UGT2B11: variants seen among roughly 807,000 people sequenced by gnomAD.
UGT2B11 encodes the protein UDP glucuronosyltransferase family 2 member B11.
In UGT2B11, 49 loss-of-function variants were observed where a neutral mutation model predicts 51.7. The observed-to-expected ratio is 0.95, with a 90% CI of 0.75 to 1.20. The LOEUF (loss-of-function observed/expected upper bound fraction) is 1.20. Among genes scored for constraint, UGT2B11 ranks in the 50% most tolerant of loss-of-function variants. The pLI is 0.00. For missense variants in UGT2B11, 810 were observed against 622.1 expected (o/e 1.30, Z -3.21); for synonymous variants, 273 against 209.0 (o/e 1.31, Z -2.64).
intron 5 of UGT2B11, among the ~76,000 whole-genome samples, chr4:69,202,067 A>G (rs1019391450): frequency 6.6e-6 from 1 of 151,796 alleles, no homozygotes; most frequent in Non-Finnish European, 1.5e-5. Flanking sequence ...TGAATTACAT[A>G]ATACGTACTC....
upstream of UGT2B11, chr4:69,214,773 T>G: frequency 1.9e-6 from 3 of 1,572,516 alleles, no homozygotes; most frequent in Non-Finnish European, 2.6e-6. Flanking sequence ...TTCTCATACT[T>G]ATATACAGAG....
chr4:69,200,259 T>G lies in UGT2B11; in HGVS notation c.*181A>C. 1 of 858,156 alleles carries G rather than the reference T, an allele frequency of 1.2e-6. No homozygotes were observed. Among genetic ancestry groups the G allele is most frequent in the South Asian group, 3.6e-5 (1 of 27,892 alleles). 53.2% of individuals were successfully genotyped at this position (858,156 alleles called of 1,614,324 possible). On this transcript the variant is annotated 3_prime_UTR_variant, in exon 6 of 6. Coordinates refer to ENST00000446444, the MANE Select transcript of UGT2B11 (RefSeq NM_001073.3). ...CCACAAAATATTTCTAACCATTACCTGGGTGGTAAATCTCTGAAAAACAAA... is the reference window on the plus strand; with the variant it reads ...CCACAAAATATTTCTAACCATTACCGGGGTGGTAAATCTCTGAAAAACAAA...
chr4:69,220,746 T>C, the UGT2B11 span, among the ~76,000 whole-genome samples: 1 of 151,924 alleles, frequency 6.6e-6, no homozygotes, highest in African/African-American at 2.4e-5. Context: ...TCTTATTTCT[T>C]TGACCTTTTC....
At chr4:69,202,290 A>G (rs1239997238) in intron 5 of UGT2B11, among the ~76,000 whole-genome samples, 2 of 151,736 alleles carry the variant, frequency 1.3e-5, no homozygotes, top group Non-Finnish European at 2.9e-5. Context: ...TTGTGTATAT[A>G]ATTGAGAGTA....
At chr4:69,209,968 A>G (rs1411091079) in intron 2 of UGT2B11, among the ~76,000 whole-genome samples, 1 of 151,648 alleles carries the variant, frequency 6.6e-6, no homozygotes, top group East Asian at 1.9e-4. Flanking sequence ...ATTTCTACCT[A>G]GAGATATTAT....
chr4:69,206,380 T>C (rs1346043775), intron 3 of UGT2B11, among the ~76,000 whole-genome samples: 1 of 151,544 alleles, frequency 6.6e-6, no homozygotes, highest in East Asian at 2.0e-4. Flanking sequence ...GGAATTGAAA[T>C]CCAAATGTGA....
rs1186444414 is a variant in UGT2B11, at chr4:69,214,242, C to G, written c.481G>C (p.Ala161Pro). Residue 161 changes from alanine (A) to proline (P), a missense_variant, in exon 1 of 6, where the codon GCT becomes CCT. Ala to Pro is a conservative substitution (Grantham distance 27, BLOSUM62 -1). Coordinates refer to ENST00000446444, the MANE Select transcript of UGT2B11 (RefSeq NM_001073.3). ...ACAAACCGTATGTTAAGTAGCGCAG[C>G]CAGCAGCTCACCACAGGGAAAAACA... ...DAVFPCGELLAALLNIRFVYS... is the reference protein window; with the variant it reads ...DAVFPCGELLPALLNIRFVYS... 8.1e-6 allele frequency: 13 copies of G among 1,613,252 alleles called. No homozygotes were observed. Among genetic ancestry groups the G allele is most frequent in the Non-Finnish European group, 1.1e-5 (13 of 1,179,496 alleles).
At chr4:69,212,995 T>A (rs544640563) in intron 1 of UGT2B11, among the ~76,000 whole-genome samples, 158 of 151,616 alleles carry the variant, frequency 1.0e-3, no homozygotes, top group Admixed American at 2.7e-3. Flanking sequence ...AAGTCATAGA[T>A]AATTAAACAT....
chr4:69,215,533 T>C (rs1369123830), upstream of UGT2B11: 17 of 152,074 alleles, frequency 1.1e-4, no homozygotes, highest in Admixed American at 1.1e-3. Context: ...TATAAGTTGA[T>C]AGATATTGAT....
upstream of UGT2B11, among the ~76,000 whole-genome samples, chr4:69,219,501 T>C (rs1722358052): frequency 6.6e-6 from 1 of 152,106 alleles, no homozygotes; most frequent in Non-Finnish European, 1.5e-5. Flanking sequence ...TATGATACTG[T>C]ACTAGCGTTT....
intron 2 of UGT2B11, among the ~76,000 whole-genome samples, chr4:69,212,050 T>A (rs1471102011): frequency 2.0e-5 from 3 of 151,584 alleles, no homozygotes; most frequent in African/African-American, 7.3e-5. Flanking sequence ...GCATATTTTT[T>A]AGCCCTCATC....
intron 4 of UGT2B11, 102 bp from the exon 5 acceptor site, chr4:69,204,751 C>T: frequency 1.3e-6 from 2 of 1,553,378 alleles, no homozygotes; most frequent in South Asian, 2.3e-5. Flanking sequence ...ACACATTGAA[C>T]TAATTTGCTA....
chr4:69,211,748 C>A (rs1722072418), intron 2 of UGT2B11, among the ~76,000 whole-genome samples: 1 of 151,514 alleles, frequency 6.6e-6, no homozygotes, highest in Admixed American at 6.6e-5. Context: ...ATGGTTAGCT[C>A]TTTACAGTGT....
chr4:69,210,710 C>T (rs1371787038), intron 2 of UGT2B11, among the ~76,000 whole-genome samples: 2 of 151,550 alleles, frequency 1.3e-5, no homozygotes, highest in East Asian at 1.9e-4. Flanking sequence ...ATTAGTCTTA[C>T]TTCAGCTTTT....
Position 69,200,498 on chromosome 4 carries a change from A to C in UGT2B11, c.1532T>G (p.Phe511Cys), listed in dbSNP as rs1264098642. The stretch of plus-strand genomic sequence containing the variant: ...AAACTTCCAGAAACAAAACAGACAA[A>C]ACTTTGTGATGATAAATATCACAGT... ...VATVIFIITK[F>C]CLFCFWKFAR... Residue 511 changes from phenylalanine to cysteine, a missense_variant, in exon 6 of 6, where the codon TTT (phenylalanine) becomes TGT (cysteine). Coordinates refer to ENST00000446444, the MANE Select transcript of UGT2B11 (RefSeq NM_001073.3). 11 of 1,611,870 alleles carry C rather than the reference A, an allele frequency of 6.8e-6. No individual in the cohort carries two copies. The highest frequency in any genetic ancestry group is 2.2e-5 in the East Asian group (1 of 44,722).
chr4:69,206,804 T>A (rs1345211596), intron 3 of UGT2B11, among the ~76,000 whole-genome samples: 1 of 151,690 alleles, frequency 6.6e-6, no homozygotes, highest in Non-Finnish European at 1.5e-5. Flanking sequence ...TTAATTGTAA[T>A]GTATTCGTTT....
At chr4:69,205,691 A>T (rs943740797) in intron 3 of UGT2B11, 124 bp from the exon 4 acceptor site, 235 of 1,089,134 alleles carry the variant, frequency 2.2e-4, no homozygotes, top group Non-Finnish European at 2.9e-4. Context: ...TCAAAGATTG[A>T]TGTAAAAAGA....
rs11340393 is a variant in UGT2B11 at position 69,200,312 on chromosome 4, A to ATTT, written c.*125_*127dup. 981 of 817,974 alleles carry ATTT rather than the reference A, an allele frequency of 1.2e-3. 3 individuals are homozygous for ATTT. Among genetic ancestry groups the ATTT allele is most frequent in the South Asian group, 1.9e-3 (36 of 18,952 alleles). 50.7% of individuals were successfully genotyped at this position (817,974 alleles called of 1,614,324 possible). On this transcript the variant is annotated 3_prime_UTR_variant, in exon 6 of 6. Coordinates refer to ENST00000446444, the MANE Select transcript of UGT2B11 (RefSeq NM_001073.3). ...TTTACTTGACAAGGTAGATTTGAAA[A>ATTT]TTTTTTTTTTTTTTTTTTTTTTGTC...
Position 69,201,485 on chromosome 4 carries a change from G to T in UGT2B11, c.1311-766C>A, listed in dbSNP as rs541598803. Among the ~76,000 whole-genome samples the T allele has an allele frequency of 7.8e-4, 119 of 151,818 alleles. 2 individuals carry two copies. The highest frequency in any genetic ancestry group is 2.8e-3 in the African/African-American group (116 of 41,494). On this transcript the variant is annotated intron_variant, in intron 5 of 5. Transcript: ENST00000446444. ...TATTTGGTCTACAGAACCCTACATC[G>T]TAAGACACTGGCAAGCTTTTTTCTA...
Sources: allele counts gnomAD v4.1 joint callset (sites outside exome capture counted in the v4.1 genomes callset), GRCh38; gene constraint gnomAD v4.1.1; transcripts MANE v1.5; gene names NCBI Gene and HGNC (gene_info 2026-07-23, HGNC 2026-07-21).